Variants in CWH43 observed in about 807,000 individuals in gnomAD.
CWH43 encodes the protein PGAP2-interacting protein.
Under a neutral mutation model 85.7 loss-of-function variants are expected in CWH43, and 91 were observed. The ratio of observed to expected loss-of-function variants is 1.06; its 90% CI spans 0.90 to 1.26. CWH43 has a LOEUF of 1.26. CWH43 is among the 50% of genes most tolerant of loss of function. CWH43 has a pLI of 0.00. For missense variants in CWH43, 869 were observed against 839.2 expected (o/e 1.04, Z -0.44); for synonymous variants, 323 against 293.6 (o/e 1.10, Z -1.02).
Position 49,007,107 on chromosome 4 carries a change from A to G in CWH43, c.1061-94A>G, listed in dbSNP as rs1277534750. On this transcript the variant is annotated intron_variant, in intron 7 of 15. Coordinates refer to ENST00000226432, the MANE Select transcript of CWH43 (RefSeq NM_025087.3). Reference sequence around the variant, plus strand: ...AAATCAGTACATGAATTTCCAGGGTATGTTCCTTTCAAGGAACTCTCAGCT... The same window carrying G: ...AAATCAGTACATGAATTTCCAGGGTGTGTTCCTTTCAAGGAACTCTCAGCT... 22 of 1,373,572 alleles carry G rather than the reference A, an allele frequency of 1.6e-5. No homozygotes were observed. In the South Asian group the frequency reaches 2.6e-4, roughly 16 times the overall value. 85.1% of individuals were successfully genotyped at this position (1,373,572 alleles called of 1,614,324 possible). A position where few individuals can be genotyped will look rare whatever the true frequency, so the allele number is the denominator to read the frequency against.
intron 8 of CWH43, 181 bp from the exon 9 acceptor site, chr4:49,017,068 C>A: frequency 1.4e-6 from 1 of 735,278 alleles, no homozygotes; most frequent in South Asian, 1.4e-5. Flanking sequence ...ACCTTGGTCA[C>A]GTTCAGTGTC....
At chr4:48,991,906 A>G in intron 3 of CWH43, 30 bp from the exon 4 acceptor site, 3 of 1,591,118 alleles carry the variant, frequency 1.9e-6, no homozygotes, top group East Asian at 2.2e-5. Flanking sequence ...TCCACATAAA[A>G]AGTGTTTAAA....
rs1782756496 is a variant in CWH43 at position 48,994,705 on chromosome 4, G to A, written c.598G>A (p.Ala200Thr). ...ASRPNWLLAG[A>T]AFGSLVFLTH... is the part of the protein sequence containing the mutation. ...TAGACCCAACTGGCTGCTGGCAGGG[G>A]CTGCTTTTGGTAGCCTTGTGTTCCT... is the stretch of plus-strand genomic sequence containing the variant. Residue 200 changes from alanine (A) to threonine (T), a missense_variant, in exon 5 of 16, where the codon GCT (alanine) becomes ACT (threonine). Around this residue, in one of 3 missense-constraint regions of CWH43, gnomAD observed 152 missense variants for 203.6 expected, o/e 0.75. Coordinates refer to ENST00000226432, the MANE Select transcript of CWH43 (RefSeq NM_025087.3). The A allele has an allele frequency of 1.9e-6, 3 of 1,614,220 alleles. No homozygotes were observed. The South Asian group carries it at 3.3e-5, about 18-fold the overall frequency.
At chr4:48,998,234 A>C (rs1481849457) in intron 5 of CWH43, among the ~76,000 whole-genome samples, 1 of 152,222 alleles carries the variant, frequency 6.6e-6, no homozygotes, top group Non-Finnish European at 1.5e-5. Context: ...CTGTGTTTAC[A>C]TGATAAGTTG....
At chr4:49,000,459 C>A (rs1350338558) in intron 6 of CWH43, among the ~76,000 whole-genome samples, 2 of 152,106 alleles carry the variant, frequency 1.3e-5, no homozygotes, top group Non-Finnish European at 2.9e-5. Flanking sequence ...TCTTTCTTCT[C>A]ATCAGAGAGT....
At chr4:48,994,429 G>C (rs1436778737) in intron 4 of CWH43, among the ~76,000 whole-genome samples, 190 bp from the exon 5 acceptor site, 1 of 152,156 alleles carries the variant, frequency 6.6e-6, no homozygotes, top group African/African-American at 2.4e-5. Context: ...GGCCTGCATG[G>C]AATTATGTCT....
At chr4:49,028,837 A>G in intron 10 of CWH43, 103 bp downstream of exon 10, 2 of 722,418 alleles carry the variant, frequency 2.8e-6, no homozygotes, top group Non-Finnish European at 4.5e-6. Context: ...ATTAGATTAA[A>G]TTTATGACCA....
chr4:48,995,494 C>G (rs1330915513), intron 5 of CWH43, among the ~76,000 whole-genome samples: 3 of 152,214 alleles, frequency 2.0e-5, no homozygotes, highest in African/African-American at 7.2e-5. Flanking sequence ...CCTCCGATAT[C>G]TTTTCTCTCT....
chr4:49,059,407 A>G (rs554665871), intron 15 of CWH43, among the ~76,000 whole-genome samples: 1 of 152,242 alleles, frequency 6.6e-6, no homozygotes, highest in South Asian at 2.1e-4. Context: ...TAGCTCACTT[A>G]GCTTCAAGAT....
At chr4:49,010,177 A>G (rs1783307638) in intron 8 of CWH43, among the ~76,000 whole-genome samples, 1 of 152,122 alleles carries the variant, frequency 6.6e-6, no homozygotes, top group African/African-American at 2.4e-5. Context: ...CTATTCAGAG[A>G]TTCAACTTCT....
intron 13 of CWH43, 24 bp from the exon 14 acceptor site, chr4:49,044,762 A>G (rs1414585312): frequency 9.4e-6 from 15 of 1,598,572 alleles, no homozygotes; most frequent in African/African-American, 6.7e-5. Context: ...TGCTTTAAAC[A>G]TTCTCCTCTC....
chr4:48,988,872 G>C (rs1488642520), intron 2 of CWH43, among the ~76,000 whole-genome samples: 1 of 152,158 alleles, frequency 6.6e-6, no homozygotes, highest in Non-Finnish European at 1.5e-5. Flanking sequence ...GTTTTTTCCA[G>C]ACTAGAAAGA....
At chr4:49,008,385 A>G (rs1783239159) in intron 8 of CWH43, among the ~76,000 whole-genome samples, 1 of 151,834 alleles carries the variant, frequency 6.6e-6, no homozygotes, top group Non-Finnish European at 1.5e-5. Flanking sequence ...GCCCTTTGTC[A>G]CATGGATAGA....
chr4:49,027,726 TTAAG>T (rs1783959553), intron 9 of CWH43, among the ~76,000 whole-genome samples: 1 of 152,194 alleles, frequency 6.6e-6, no homozygotes, highest in Admixed American at 6.5e-5. Flanking sequence ...AAATATACGA[TTAAG>T]TTATTATTGA....
At chr4:49,013,442 A>C (rs1230484716) in intron 8 of CWH43, among the ~76,000 whole-genome samples, 1 of 152,186 alleles carries the variant, frequency 6.6e-6, no homozygotes, top group Non-Finnish European at 1.5e-5. Flanking sequence ...GGCCCCTTGC[A>C]CTTCCCGGGT....
At chr4:49,061,413 G>C (rs1174939109) in intron 15 of CWH43, among the ~76,000 whole-genome samples, 4 of 152,174 alleles carry the variant, frequency 2.6e-5, no homozygotes, top group African/African-American at 9.6e-5. Flanking sequence ...CATGTGCAAA[G>C]AGTTAATCTG....
intron 15 of CWH43, among the ~76,000 whole-genome samples, chr4:49,053,226 G>A (rs1332911579): frequency 1.3e-5 from 2 of 152,036 alleles, no homozygotes; most frequent in African/African-American, 4.8e-5. Context: ...ATATTTCTTG[G>A]CTATAGTGAA....
In CWH43 at chr4:48,992,723, G is replaced by A. The variant is rs1381019777; in HGVS notation, c.511+633G>A. On this transcript the variant is annotated intron_variant, in intron 4 of 15. Coordinates refer to ENST00000226432, the MANE Select transcript of CWH43 (RefSeq NM_025087.3). This position sits in a 1 kb window ranked among gnomAD's most constrained non-coding sequence, Gnocchi z 4.3. The stretch of plus-strand genomic sequence containing the variant: ...AAGGGAGAGGTATTAGTGGATTCTA[G>A]TTAACGTGCTCCTAGCTTTTTGTGT... 3.9e-5 allele frequency among the ~76,000 whole-genome samples: 6 copies of A among 152,142 alleles called. No individual in the cohort carries two copies. The highest frequency in any genetic ancestry group is 7.3e-5 in the Non-Finnish European group (5 of 68,038).
chr4:49,046,735 G>A (rs1463630897), intron 14 of CWH43, among the ~76,000 whole-genome samples: 3 of 152,110 alleles, frequency 2.0e-5, no homozygotes, highest in Admixed American at 6.6e-5. Context: ...GTAAGAGCAA[G>A]GAGGCCAGTG....
Sources: allele counts gnomAD v4.1 joint callset (sites outside exome capture counted in the v4.1 genomes callset), GRCh38; gene constraint gnomAD v4.1.1; regional missense constraint gnomAD v4.1.1; non-coding constraint Gnocchi (gnomAD v3.1); transcripts MANE v1.5; gene names NCBI Gene and HGNC (gene_info 2026-07-23, HGNC 2026-07-21).